WDR27: variants seen among roughly 807,000 people sequenced by gnomAD.
The protein encoded by WDR27 is WD repeat-containing protein 27.
A neutral mutation model predicts 114.4 loss-of-function variants in WDR27; 100 were observed. That is an observed-to-expected ratio of 0.87 (90% CI 0.74 to 1.03). WDR27 has a LOEUF of 1.03. Ranked by LOEUF, WDR27 falls within the 50% of genes least tolerant of loss-of-function variation. WDR27 has a pLI of 0.00. For missense variants in WDR27, 1,129 were observed against 1,092.9 expected, an observed-to-expected ratio of 1.03 and a Z score of -0.47; for synonymous variants, 449 against 423.1, an observed-to-expected ratio of 1.06 and a Z score of -0.75.
chr6:169,481,486 C>G (rs897857097), intron 25 of WDR27, among the ~76,000 whole-genome samples: 5 of 152,242 alleles, frequency 3.3e-5, no homozygotes, highest in Non-Finnish European at 5.9e-5. Flanking sequence ...TGTTCTTTCA[C>G]TCTTCGCAAT....
chr6:169,433,094 G>A, the WDR27 span, among the ~76,000 whole-genome samples: 6 of 152,156 alleles, frequency 3.9e-5, no homozygotes, highest in Non-Finnish European at 7.4e-5. Flanking sequence ...TTGTTTGTCT[G>A]TTTTTTACTT....
rs142279269 is a variant in WDR27 at position 169,510,605 on chromosome 6, G to C, written c.2646-52971C>G. Among the ~76,000 whole-genome samples the C allele has an allele frequency of 2.2e-4, 31 of 142,560 alleles. No individual in the cohort carries two copies. The East Asian group carries it at 6.5e-3, about 30-fold the overall frequency. The allele number at this position is 142,560 out of a possible 152,430, so 93.5% of individuals were successfully genotyped here. A position where few individuals can be genotyped will look rare whatever the true frequency, so the allele number is the denominator to read the frequency against. On this transcript the variant is annotated intron_variant, in intron 25 of 25. Coordinates refer to ENST00000448612, the MANE Select transcript of WDR27 (RefSeq NM_182552.5). ...ATGAGAACACATGGACACAGGAAGGGGAATATCACACACTGGGGACTGTTG... is the reference window on the plus strand; with the variant it reads ...ATGAGAACACATGGACACAGGAAGGCGAATATCACACACTGGGGACTGTTG...
chr6:169,431,695 C>G, the WDR27 span, among the ~76,000 whole-genome samples: 2 of 152,138 alleles, frequency 1.3e-5, no homozygotes, highest in Non-Finnish European at 2.9e-5. Context: ...AACTAAATCA[C>G]CTATATAAAT....
At chr6:169,443,531 G>A in the WDR27 span, among the ~76,000 whole-genome samples, 1 of 152,180 alleles carries the variant, frequency 6.6e-6, no homozygotes, top group Non-Finnish European at 1.5e-5. Context: ...TGGAAGGCTG[G>A]GTGCTCTGGC....
intron 10 of WDR27, among the ~76,000 whole-genome samples, chr6:169,660,399 G>A (rs529308355): frequency 2.6e-5 from 4 of 152,294 alleles, no homozygotes; most frequent in East Asian, 3.9e-4. Flanking sequence ...GCTGGGGCCC[G>A]GGCGGCCTGG....
At chr6:169,548,362 A>G (rs574272204) in intron 25 of WDR27, among the ~76,000 whole-genome samples, 4 of 152,332 alleles carry the variant, frequency 2.6e-5, no homozygotes, top group African/African-American at 9.6e-5. Context: ...CAAAAAAACT[A>G]TAATAAACAA....
intron 1 of WDR27, among the ~76,000 whole-genome samples, chr6:169,690,523 T>C (rs921729719): frequency 4.6e-5 from 7 of 152,162 alleles, no homozygotes; most frequent in African/African-American, 1.7e-4. Flanking sequence ...CAGAGGCCCC[T>C]GAGAGCTGGC....
At chr6:169,599,307 G>A (rs115768616) in intron 23 of WDR27, among the ~76,000 whole-genome samples, 2,397 of 152,306 alleles carry the variant, frequency 0.016, 94 homozygotes, top group African/African-American at 0.055. Context: ...ACAAAAAGAA[G>A]AGATTGGTAT....
At chr6:169,565,470 C>T (rs768008603) in intron 25 of WDR27, among the ~76,000 whole-genome samples, 4 of 152,160 alleles carry the variant, frequency 2.6e-5, no homozygotes, top group Non-Finnish European at 4.4e-5. Context: ...CCTAAAAACA[C>T]CCCCACCAGG....
the WDR27 span, among the ~76,000 whole-genome samples, chr6:169,432,525 G>A: frequency 9.2e-5 from 14 of 152,270 alleles, no homozygotes; most frequent in African/African-American, 3.4e-4. Flanking sequence ...TAATGAATAA[G>A]TCCTACAAGA....
chr6:169,533,623 G>C (rs895734858), intron 25 of WDR27, among the ~76,000 whole-genome samples: 3 of 152,284 alleles, frequency 2.0e-5, no homozygotes, highest in Non-Finnish European at 4.4e-5. Context: ...CCCACATTGG[G>C]CACCACCAGC....
At chr6:169,616,251 A>G (rs1305890503) in intron 21 of WDR27, among the ~76,000 whole-genome samples, 1 of 152,206 alleles carries the variant, frequency 6.6e-6, no homozygotes, top group Non-Finnish European at 1.5e-5. Flanking sequence ...AAGTGTTGGG[A>G]GGCCAAGGCG....
In WDR27 at chr6:169,457,641, T is replaced by C. The variant is rs1237458828; in HGVS notation, c.2646-7A>G. 1.4e-5 allele frequency: 21 copies of C among 1,550,438 alleles called. No homozygotes were observed. Among genetic ancestry groups the C allele is most frequent in the Admixed American group, 1.2e-4 (6 of 50,896 alleles). ...CCAAGGTAGCTGTGGCAAGCTGTAATTGAAAATAAAATACCATGTAATTCC... is the reference window on the plus strand; with the variant it reads ...CCAAGGTAGCTGTGGCAAGCTGTAACTGAAAATAAAATACCATGTAATTCC... On this transcript the variant is annotated splice_region_variant and splice_polypyrimidine_tract_variant and intron_variant, in intron 25 of 25. Transcript: ENST00000448612.
chr6:169,654,802 G>A (rs1395395871), intron 13 of WDR27, among the ~76,000 whole-genome samples: 2 of 151,862 alleles, frequency 1.3e-5, no homozygotes, highest in Admixed American at 6.6e-5. Context: ...ACGGAGGCGC[G>A]CTCAGGAGGA....
At position 169,684,299 on chromosome 6, in the gene WDR27, T is replaced by C. The variant is rs563037867; in HGVS notation, c.189+4518A>G. 7.8e-4 allele frequency among the ~76,000 whole-genome samples: 119 copies of C among 151,906 alleles called. No homozygotes were observed. The highest frequency in any genetic ancestry group is 2.7e-3 in the African/African-American group (112 of 41,408). On this transcript the variant is annotated intron_variant, in intron 2 of 25. Transcript: ENST00000448612. The surrounding 1 kb of genome is among the most constrained non-coding windows in gnomAD (Gnocchi z 4.3). ...ATGATTCACCCCTGGGCCAGCAGAG[T>C]TGCTAAACACCTGTGCTCAGGACCT...
intron 25 of WDR27, among the ~76,000 whole-genome samples, chr6:169,540,579 G>A (rs374280057): frequency 1.1e-4 from 17 of 152,046 alleles, no homozygotes; most frequent in South Asian, 4.2e-4. Context: ...ACAGGCAGAC[G>A]CCACCATGCC....
intron 25 of WDR27, among the ~76,000 whole-genome samples, chr6:169,524,429 T>G (rs1260558342): frequency 6.6e-6 from 1 of 152,006 alleles, no homozygotes; most frequent in Non-Finnish European, 1.5e-5. Context: ...AAGAAAAAAT[T>G]TTCTAATATT....
intron 25 of WDR27, among the ~76,000 whole-genome samples, chr6:169,471,051 T>C (rs1025113743): frequency 1.3e-5 from 2 of 152,136 alleles, no homozygotes; most frequent in Non-Finnish European, 2.9e-5. Flanking sequence ...CCATTTACTA[T>C]GTTTCTCAGC....
intron 25 of WDR27, among the ~76,000 whole-genome samples, chr6:169,569,380 G>T (rs557372906): frequency 6.6e-6 from 1 of 152,158 alleles, no homozygotes; most frequent in South Asian, 2.1e-4. Flanking sequence ...AACTCACAAT[G>T]AACAGATTAA....
Sources: allele counts gnomAD v4.1 joint callset (sites outside exome capture counted in the v4.1 genomes callset), GRCh38; gene constraint gnomAD v4.1.1; non-coding constraint Gnocchi (gnomAD v3.1); transcripts MANE v1.5; gene names NCBI Gene and HGNC (gene_info 2026-07-23, HGNC 2026-07-21).